CLIP1: variants seen among roughly 807,000 people sequenced by gnomAD.
The protein encoded by CLIP1 is CAP-Gly domain containing linker protein 1.
In CLIP1, 66 loss-of-function variants were observed where a neutral mutation model predicts 161.6. That is an observed-to-expected ratio of 0.41 (90% CI 0.33 to 0.50). CLIP1 has a LOEUF of 0.50. Among genes scored for constraint, CLIP1 ranks in the 20% least tolerant of loss-of-function variants. The pLI is 0.27. For missense variants in CLIP1, 1,376 were observed against 1,702.0 expected, an observed-to-expected ratio of 0.81 and a Z score of 3.37; for synonymous variants, 598 against 626.2, an observed-to-expected ratio of 0.96 and a Z score of 0.67.
chr12:122,347,331 T>C, intron 10 of CLIP1, 44 bp downstream of exon 10: 1 of 1,407,052 alleles, frequency 7.1e-7, no homozygotes, highest in Non-Finnish European at 1.0e-6. Flanking sequence ...GTGTCCACCC[T>C]TCACATGCAT....
chr12:122,285,397 T>G (rs1391388701), intron 21 of CLIP1, among the ~76,000 whole-genome samples: 1 of 152,156 alleles, frequency 6.6e-6, no homozygotes, highest in African/African-American at 2.4e-5. Context: ...CAGCTAATTT[T>G]TGTATTTTTA....
intron 3 of CLIP1, among the ~76,000 whole-genome samples, chr12:122,374,911 G>A (rs913854387): frequency 6.6e-6 from 1 of 152,100 alleles, no homozygotes; most frequent in African/African-American, 2.4e-5. Flanking sequence ...ATGGTCATGA[G>A]CTAAAAATTC....
intron 20 of CLIP1, among the ~76,000 whole-genome samples, chr12:122,306,998 C>CTTTTTTTTTTTTT (rs56949793): frequency 2.5e-5 from 2 of 81,000 alleles, no homozygotes; most frequent in Non-Finnish European, 4.4e-5. Flanking sequence ...GGTAAGTTCA[C>CTTTTTTTTTTTTT]TTTTTTTTTT....
chr12:122,412,289 A>G (rs1956567174), intron 1 of CLIP1, among the ~76,000 whole-genome samples: 2 of 150,176 alleles, frequency 1.3e-5, no homozygotes, highest in African/African-American at 2.4e-5. Context: ...CACGGGATCC[A>G]TCCACTTCAG....
intron 24 of CLIP1, 87 bp downstream of exon 24, chr12:122,278,067 G>T: frequency 8.6e-7 from 1 of 1,159,374 alleles, no homozygotes; most frequent in Non-Finnish European, 1.3e-6. Flanking sequence ...TGATACAAAA[G>T]GCATCAAATG....
chr12:122,336,100 T>C (rs1952204231), intron 12 of CLIP1, among the ~76,000 whole-genome samples: 1 of 152,044 alleles, frequency 6.6e-6, no homozygotes, highest in African/African-American at 2.4e-5. Flanking sequence ...GCCATACAAC[T>C]TGAGATTAAG....
intron 20 of CLIP1, among the ~76,000 whole-genome samples, chr12:122,291,433 A>C (rs966006040): frequency 6.6e-6 from 1 of 152,068 alleles, no homozygotes; most frequent in East Asian, 1.9e-4. Flanking sequence ...CAGGTGATCC[A>C]CCCGCCATGG....
intron 15 of CLIP1, among the ~76,000 whole-genome samples, chr12:122,329,324 C>T (rs1370845338): frequency 3.3e-5 from 5 of 151,562 alleles, no homozygotes; most frequent in African/African-American, 4.9e-5. Context: ...AAGACTCTGC[C>T]TCAATTAAAA....
intron 20 of CLIP1, among the ~76,000 whole-genome samples, chr12:122,299,664 C>T (rs1286509049): frequency 7.1e-6 from 1 of 140,068 alleles, no homozygotes; most frequent in African/African-American, 2.8e-5. Context: ...TGCCTGCAAT[C>T]CCAGCACTTT....
At chr12:122,320,650 G>C (rs556069770) in intron 17 of CLIP1, among the ~76,000 whole-genome samples, 1 of 152,022 alleles carries the variant, frequency 6.6e-6, no homozygotes, top group Non-Finnish European at 1.5e-5. Context: ...CTTGAACCCG[G>C]GAGGCAGAGG....
At chr12:122,403,499 G>GTTTTTTTTTTTTTTTTTTTTT (rs11302150) in intron 1 of CLIP1, among the ~76,000 whole-genome samples, 1 of 72,304 alleles carries the variant, frequency 1.4e-5, no homozygotes, top group African/African-American at 4.5e-5. Context: ...TTCTTGTTTT[G>GTTTTTTTTTTTTTTTTTTTTT]TTTTTTTTTT....
intron 17 of CLIP1, among the ~76,000 whole-genome samples, chr12:122,326,231 C>A (rs1951706592): frequency 1.3e-5 from 2 of 152,186 alleles, no homozygotes; most frequent in Admixed American, 1.3e-4. Context: ...TGCACAAAAC[C>A]AACCAACAAA....
At position 122,319,300 on chromosome 12, in the gene CLIP1, T is replaced by C. The variant is rs752508417; in HGVS notation, c.3298A>G (p.Lys1100Glu). The C allele has an allele frequency of 1.5e-5, 24 of 1,614,074 alleles. No homozygotes were observed. Among genetic ancestry groups the C allele is most frequent in the Admixed American group, 3.3e-5 (2 of 60,008 alleles). Reference sequence around the variant, plus strand: ...GAGGCCAGAGTCTCAGTCTTCTCTTTGGTCATCTGTTCCATTATCTGCATG... The same window carrying C: ...GAGGCCAGAGTCTCAGTCTTCTCTTCGGTCATCTGTTCCATTATCTGCATG... ...DAMQIMEQMT[K>E]EKTETLASLE... Residue 1100 changes from lysine to glutamate, a missense_variant, in exon 18 of 26, where the codon AAA (lysine) becomes GAA (glutamate). Transcript: ENST00000620786.
chr12:122,306,618 G>T (rs1209960582), intron 20 of CLIP1, among the ~76,000 whole-genome samples: 1 of 152,156 alleles, frequency 6.6e-6, no homozygotes, highest in Non-Finnish European at 1.5e-5. Context: ...CTCTGCTCAA[G>T]ATCAGAGGCC....
chr12:122,293,252 G>A (rs953649023), intron 20 of CLIP1, among the ~76,000 whole-genome samples: 1 of 152,114 alleles, frequency 6.6e-6, no homozygotes, highest in Non-Finnish European at 1.5e-5. Context: ...TCAGTCATCA[G>A]GAGAACGCAA....
chr12:122,319,871 C>T (rs1190996809), intron 17 of CLIP1, among the ~76,000 whole-genome samples: 6 of 152,212 alleles, frequency 3.9e-5, no homozygotes, highest in African/African-American at 1.2e-4. Context: ...AAGTGTTTAA[C>T]GAGAAGCATT....
intron 20 of CLIP1, among the ~76,000 whole-genome samples, chr12:122,307,557 TA>T (rs1164222436): frequency 6.6e-6 from 1 of 152,206 alleles, no homozygotes; most frequent in Non-Finnish European, 1.5e-5. Flanking sequence ...CAACTAAAAT[TA>T]TTTTTTTTAA....
At chr12:122,276,382 C>CCACACACGCACA in intron 24 of CLIP1, 1 of 1,160,594 alleles carries the variant, frequency 8.6e-7, no homozygotes, top group Non-Finnish European at 1.1e-6. Context: ...TAGTGGGAAA[C>CCACACACGCACA]CACACACACA....
At chr12:122,422,148 A>C (rs1956968968) in intron 1 of CLIP1, among the ~76,000 whole-genome samples, 1 of 151,972 alleles carries the variant, frequency 6.6e-6, no homozygotes, top group Admixed American at 6.5e-5. Context: ...GGCCGATCCC[A>C]CATCCGCCCC....
Sources: allele counts gnomAD v4.1 joint callset (sites outside exome capture counted in the v4.1 genomes callset), GRCh38; gene constraint gnomAD v4.1.1; transcripts MANE v1.5; gene names NCBI Gene and HGNC (gene_info 2026-07-23, HGNC 2026-07-21).